Variants in PDE10A observed in about 807,000 individuals in gnomAD.
The protein encoded by PDE10A is cAMP and cAMP-inhibited cGMP 3',5'-cyclic phosphodiesterase 10A.
PDE10A carries 39 observed loss-of-function variants against 97.7 expected under a neutral mutation model. The observed-to-expected ratio is 0.40, with a 90% CI of 0.31 to 0.52. PDE10A has a LOEUF of 0.52. Ranked by LOEUF, PDE10A falls within the 20% of genes least tolerant of loss-of-function variation. The pLI, the probability that PDE10A is intolerant of heterozygous loss-of-function variation, is 0.56. For synonymous variants in PDE10A, 371 were observed against 376.8 expected (o/e 0.98, Z 0.18); for missense variants, 731 against 1,047.8 (o/e 0.70, Z 4.17).
chr6:165,948,362 T>C (rs1413223402), intron 1 of PDE10A: 1 of 152,076 alleles, frequency 6.6e-6, no homozygotes, highest in Non-Finnish European at 1.5e-5. Context: ...GAGAAAGAGT[T>C]ATTGATTCTC....
intron 1 of PDE10A, among the ~76,000 whole-genome samples, chr6:165,574,331 G>T (rs755182634): frequency 6.6e-6 from 1 of 151,864 alleles, no homozygotes; most frequent in African/African-American, 2.4e-5. Context: ...AATGGTGCTT[G>T]GGGATTGGGA....
At chr6:165,722,869 C>CATAT (rs774004451) in intron 1 of PDE10A, among the ~76,000 whole-genome samples, 185 of 146,568 alleles carry the variant, frequency 1.3e-3, no homozygotes, top group African/African-American at 4.3e-3. Context: ...AAAATTTGTT[C>CATAT]ATATATATAT....
chr6:165,855,311 G>C (rs865915510), intron 1 of PDE10A, among the ~76,000 whole-genome samples: 61 of 150,720 alleles, frequency 4.0e-4, no homozygotes, highest in African/African-American at 9.6e-4. Context: ...GTGGCGGGGG[G>C]GGGGGGGGAC....
chr6:165,683,451 A>G (rs1791031850), intron 1 of PDE10A, among the ~76,000 whole-genome samples: 1 of 152,154 alleles, frequency 6.6e-6, no homozygotes, highest in African/African-American at 2.4e-5. Context: ...CACACGACTA[A>G]GACATCAACA....
intron 1 of PDE10A, among the ~76,000 whole-genome samples, chr6:165,929,788 C>A (rs1012534782): frequency 2.6e-5 from 4 of 152,262 alleles, no homozygotes; most frequent in African/African-American, 9.6e-5. Context: ...TAGCACCGGG[C>A]TGGCTCAGAG....
At chr6:165,500,585 G>C (rs1306401635) in intron 2 of PDE10A, among the ~76,000 whole-genome samples, 3 of 152,186 alleles carry the variant, frequency 2.0e-5, no homozygotes. Context: ...CTCTGCCTAG[G>C]AAAGCCAGGT....
At chr6:165,872,830 C>T (rs1781239653) in intron 1 of PDE10A, among the ~76,000 whole-genome samples, 1 of 152,138 alleles carries the variant, frequency 6.6e-6, no homozygotes, top group South Asian at 2.1e-4. Context: ...GATCAGTAAC[C>T]ACCACCAACA....
chr6:165,931,333 A>G (rs188155332), intron 1 of PDE10A, among the ~76,000 whole-genome samples: 21 of 152,374 alleles, frequency 1.4e-4, no homozygotes, highest in Non-Finnish European at 2.8e-4. Flanking sequence ...ACATCTGTCT[A>G]CAATAGTAAC....
At chr6:165,342,615 C>T (rs142178332) in intron 19 of PDE10A, among the ~76,000 whole-genome samples, 10 of 152,128 alleles carry the variant, frequency 6.6e-5, no homozygotes, top group Non-Finnish European at 1.3e-4. Flanking sequence ...ATGAGATATA[C>T]GATTGAATTA....
intron 1 of PDE10A, among the ~76,000 whole-genome samples, chr6:165,976,882 C>T (rs1277221728): frequency 6.6e-6 from 1 of 152,206 alleles, no homozygotes; most frequent in Non-Finnish European, 1.5e-5. Flanking sequence ...CCCCACCTTC[C>T]CCACACGCTC....
intron 1 of PDE10A, chr6:165,894,328 G>A (rs773660773): frequency 5.3e-5 from 24 of 455,914 alleles, no homozygotes; most frequent in Non-Finnish European, 7.9e-5. Context: ...ATGAGACAGC[G>A]CTAACGCAAA....
At chr6:165,431,075 A>G (rs1372772764) in intron 8 of PDE10A, among the ~76,000 whole-genome samples, 9 of 152,148 alleles carry the variant, frequency 5.9e-5, no homozygotes, top group Non-Finnish European at 1.5e-5. Context: ...TAGGAAATGG[A>G]ATCATAAAAA....
intron 1 of PDE10A, among the ~76,000 whole-genome samples, chr6:165,830,571 G>A (rs1469465936): frequency 1.3e-5 from 2 of 152,108 alleles, no homozygotes; most frequent in African/African-American, 4.8e-5. Context: ...CAGGAGCAGT[G>A]TGCACACCGG....
chr6:165,837,662 T>C (rs1780101274), intron 1 of PDE10A, among the ~76,000 whole-genome samples: 1 of 64,234 alleles, frequency 1.6e-5, no homozygotes. Context: ...TCTCCTGGTT[T>C]TTTTTTTTTT....
intron 1 of PDE10A, among the ~76,000 whole-genome samples, chr6:165,873,540 A>G (rs149041461): frequency 1.1e-4 from 17 of 152,134 alleles, no homozygotes; most frequent in African/African-American, 3.6e-4. Flanking sequence ...AGAGAGCAAC[A>G]CCTGCTGATC....
At chr6:165,477,684 G>A (rs73035768) in intron 3 of PDE10A, among the ~76,000 whole-genome samples, 7,434 of 152,218 alleles carry the variant, frequency 0.049, 253 homozygotes, top group African/African-American at 0.091. Context: ...CAGGAAAGCA[G>A]CTTGGAAAAA....
At chr6:165,511,952 ATTTTG>A (rs750785324) in intron 2 of PDE10A, among the ~76,000 whole-genome samples, 4 of 151,866 alleles carry the variant, frequency 2.6e-5, no homozygotes, top group Non-Finnish European at 5.9e-5. Flanking sequence ...TAGTTGGATC[ATTTTG>A]TTTTGTTTTG....
intron 5 of PDE10A, among the ~76,000 whole-genome samples, chr6:165,446,491 A>C (rs1273909258): frequency 6.6e-6 from 1 of 152,222 alleles, no homozygotes; most frequent in Non-Finnish European, 1.5e-5. Context: ...ATCTAGGTGG[A>C]ATGCATAAAG....
At chr6:165,673,914 ACAT>A (rs1227619776) in intron 1 of PDE10A, among the ~76,000 whole-genome samples, 1 of 152,242 alleles carries the variant, frequency 6.6e-6, no homozygotes, top group African/African-American at 2.4e-5. Context: ...ATTATCAGCC[ACAT>A]TATTAGTTTA....
Sources: allele counts gnomAD v4.1 joint callset (sites outside exome capture counted in the v4.1 genomes callset), GRCh38; gene constraint gnomAD v4.1.1; transcripts MANE v1.5; gene names NCBI Gene and HGNC (gene_info 2026-07-23, HGNC 2026-07-21).